The following SLCO3A1 variants were observed in gnomAD, a reference collection of about 807,000 sequenced individuals.
SLCO3A1 encodes PGE1 transporter.
In SLCO3A1, 27 loss-of-function variants were observed where a neutral mutation model predicts 63.1. The ratio of observed to expected loss-of-function variants is 0.43; its 90% CI spans 0.32 to 0.59. SLCO3A1 has a LOEUF of 0.59. Among genes scored for constraint, SLCO3A1 ranks in the 20% least tolerant of loss-of-function variants. SLCO3A1 has a pLI of 0.09. For synonymous variants in SLCO3A1, 473 were observed against 409.9 expected, an observed-to-expected ratio of 1.15 and a Z score of -1.86; for missense variants, 773 against 945.8, an observed-to-expected ratio of 0.82 and a Z score of 2.40.
chr15:92,098,845 T>G (rs2047570715), intron 3 of SLCO3A1, among the ~76,000 whole-genome samples: 1 of 152,188 alleles, frequency 6.6e-6, no homozygotes, highest in Admixed American at 6.5e-5. Context: ...CATGAGTTAC[T>G]CATGCAAAGC....
chr15:92,059,308 G>A (rs1221348553), intron 2 of SLCO3A1, among the ~76,000 whole-genome samples: 2 of 152,226 alleles, frequency 1.3e-5, no homozygotes, highest in Non-Finnish European at 2.9e-5. Flanking sequence ...CCTGTGGCTG[G>A]GCTGGTTTAG....
chr15:92,077,014 CAGA>C (rs1231836699), intron 2 of SLCO3A1, among the ~76,000 whole-genome samples: 2 of 152,192 alleles, frequency 1.3e-5, no homozygotes, highest in Non-Finnish European at 1.5e-5. Flanking sequence ...ACAATCATGG[CAGA>C]AGAAGAAGCA....
intron 2 of SLCO3A1, among the ~76,000 whole-genome samples, chr15:92,048,697 G>C (rs568001860): frequency 6.6e-6 from 1 of 152,136 alleles, no homozygotes. Context: ...TCAGGAGTTC[G>C]AGACCAGCCT....
intron 2 of SLCO3A1, among the ~76,000 whole-genome samples, chr15:92,002,505 G>A (rs12899322): frequency 1.3e-5 from 2 of 152,004 alleles, no homozygotes; most frequent in African/African-American, 2.4e-5. Flanking sequence ...TTTCTCTTCT[G>A]TTTTAAGAAA....
intron 1 of SLCO3A1, among the ~76,000 whole-genome samples, chr15:91,913,690 A>G (rs1445386216): frequency 6.6e-6 from 1 of 152,192 alleles, no homozygotes; most frequent in Non-Finnish European, 1.5e-5. Context: ...ACGTATCTGG[A>G]CACTGCAGAG....
At chr15:92,128,991 G>A (rs773814310) in intron 7 of SLCO3A1, among the ~76,000 whole-genome samples, 1 of 152,176 alleles carries the variant, frequency 6.6e-6, no homozygotes. Context: ...TTGGGAGGAG[G>A]TGGGTTGCTT....
chr15:92,002,889 T>C (rs2046271963), intron 2 of SLCO3A1, among the ~76,000 whole-genome samples: 1 of 152,186 alleles, frequency 6.6e-6, no homozygotes, highest in African/African-American at 2.4e-5. Flanking sequence ...TAGATTACCA[T>C]ACCCCAGTTC....
rs1199488736 is a variant in SLCO3A1 at position 91,883,324 on chromosome 15, T to C, written c.180+29236T>C. Among the ~76,000 whole-genome samples, 1 of 152,082 alleles carries C rather than the reference T, an allele frequency of 6.6e-6. No homozygotes were observed. The highest frequency in any genetic ancestry group is 2.4e-5 in the African/African-American group (1 of 41,408). On this transcript the variant is annotated intron_variant, in intron 1 of 9. Coordinates refer to ENST00000318445, the MANE Select transcript of SLCO3A1 (RefSeq NM_013272.4). This position sits in a 1 kb window ranked among gnomAD's most constrained non-coding sequence, Gnocchi z 4.8. ...GGACCCTAGAATCCCCTCTTTCTGGTTTGCTTTTTCACTCCATCAGCTGAG... is the reference window on the plus strand; with the variant it reads ...GGACCCTAGAATCCCCTCTTTCTGGCTTGCTTTTTCACTCCATCAGCTGAG...
chr15:91,991,611 A>G (rs938706114), intron 2 of SLCO3A1, among the ~76,000 whole-genome samples: 3 of 152,240 alleles, frequency 2.0e-5, no homozygotes, highest in Non-Finnish European at 4.4e-5. Flanking sequence ...GATGAAATTA[A>G]TTTTAATATT....
intron 1 of SLCO3A1, among the ~76,000 whole-genome samples, chr15:91,884,026 A>G (rs1897662081): frequency 6.6e-6 from 1 of 152,236 alleles, no homozygotes; most frequent in African/African-American, 2.4e-5. Flanking sequence ...AAATAATGAT[A>G]ATAAGAATCG....
rs535251465 is a variant in SLCO3A1 at position 92,080,124 on chromosome 15, T to G, written c.647-14757T>G. 3.3e-5 allele frequency among the ~76,000 whole-genome samples: 5 copies of G among 152,358 alleles called. 1 individual carries two copies. Among genetic ancestry groups the G allele is most frequent in the Admixed American group, 2.0e-4 (3 of 15,300 alleles). ...TTGAGAAGCCCAGAGTGGCAACAGCTGCGGCTTTGACCAACTGCAGATCCT... is the reference window on the plus strand; with the variant it reads ...TTGAGAAGCCCAGAGTGGCAACAGCGGCGGCTTTGACCAACTGCAGATCCT... On this transcript the variant is annotated intron_variant, in intron 2 of 9. Coordinates refer to ENST00000318445, the MANE Select transcript of SLCO3A1 (RefSeq NM_013272.4).
Position 92,022,670 on chromosome 15 carries a change from G to A in SLCO3A1, c.647-72211G>A, listed in dbSNP as rs184400015. On this transcript the variant is annotated intron_variant, in intron 2 of 9. Coordinates refer to ENST00000318445, the MANE Select transcript of SLCO3A1 (RefSeq NM_013272.4). Reference sequence around the variant, plus strand: ...TGCCCTCACAGGGTACAGCAAGTCTGCAAACATACAGCTGAAAGATGCTTT... The same window carrying A: ...TGCCCTCACAGGGTACAGCAAGTCTACAAACATACAGCTGAAAGATGCTTT... 8.9e-4 allele frequency among the ~76,000 whole-genome samples: 135 copies of A among 152,360 alleles called. 1 individual carries two copies. Among genetic ancestry groups the A allele is most frequent in the African/African-American group, 2.7e-3 (111 of 41,578 alleles).
chr15:92,006,493 T>C (rs1425443130), intron 2 of SLCO3A1, among the ~76,000 whole-genome samples: 1 of 152,214 alleles, frequency 6.6e-6, no homozygotes, highest in Non-Finnish European at 1.5e-5. Context: ...TGAGTCTTTT[T>C]CCCACAAATA....
At chr15:91,985,727 G>A (rs1194141880) in intron 2 of SLCO3A1, among the ~76,000 whole-genome samples, 2 of 152,216 alleles carry the variant, frequency 1.3e-5, no homozygotes, top group Non-Finnish European at 2.9e-5. Context: ...CTCCTCAGGA[G>A]TGTGCCAGTT....
At chr15:92,080,431 T>C (rs1417891413) in intron 2 of SLCO3A1, among the ~76,000 whole-genome samples, 2 of 150,264 alleles carry the variant, frequency 1.3e-5, no homozygotes, top group South Asian at 2.1e-4. Flanking sequence ...GAAGCAGAAC[T>C]ATAGAAAAAG....
intron 1 of SLCO3A1, among the ~76,000 whole-genome samples, chr15:91,884,441 G>A (rs1477037471): frequency 1.3e-5 from 2 of 151,232 alleles, no homozygotes; most frequent in East Asian, 3.9e-4. Context: ...AACCTGGGAG[G>A]TGGAAGGTTG....
At chr15:92,070,468 C>A (rs1354811091) in intron 2 of SLCO3A1, among the ~76,000 whole-genome samples, 1 of 150,074 alleles carries the variant, frequency 6.7e-6, no homozygotes, top group Non-Finnish European at 1.5e-5. Flanking sequence ...CATGGGGAAA[C>A]CCCATCTCTA....
intron 9 of SLCO3A1, among the ~76,000 whole-genome samples, chr15:92,161,095 G>A (rs1019981686): frequency 6.6e-6 from 1 of 152,188 alleles, no homozygotes; most frequent in Non-Finnish European, 1.5e-5. Flanking sequence ...GAGGTATAGA[G>A]GCCCTGGGAT....
At position 92,032,941 on chromosome 15, in the gene SLCO3A1, G is replaced by T. The variant is rs904503744; in HGVS notation, c.647-61940G>T. Among the ~76,000 whole-genome samples the T allele has an allele frequency of 2.8e-5, 4 of 144,120 alleles. No individual in the cohort carries two copies. In the South Asian group the frequency reaches 1.0e-3, roughly 37 times the overall value. The allele number at this position is 144,120 out of a possible 152,430, so 94.5% of individuals were successfully genotyped here. A position where few individuals can be genotyped will look rare whatever the true frequency, so the allele number is the denominator to read the frequency against. ...GAAAAAGTGGGGCGGGGCGGGCGGGGTGAGAGAAAACAAGTCACATTTGGA... is the reference window on the plus strand; with the variant it reads ...GAAAAAGTGGGGCGGGGCGGGCGGGTTGAGAGAAAACAAGTCACATTTGGA... On this transcript the variant is annotated intron_variant, in intron 2 of 9. Coordinates refer to ENST00000318445, the MANE Select transcript of SLCO3A1 (RefSeq NM_013272.4).
Sources: allele counts gnomAD v4.1 joint callset (sites outside exome capture counted in the v4.1 genomes callset), GRCh38; gene constraint gnomAD v4.1.1; non-coding constraint Gnocchi (gnomAD v3.1); transcripts MANE v1.5; gene names NCBI Gene and HGNC (gene_info 2026-07-23, HGNC 2026-07-21).